Variants in DEPDC1B observed in about 807,000 individuals in gnomAD.
The protein encoded by DEPDC1B is DEP domain-containing protein 1B.
Under a neutral mutation model 66.5 loss-of-function variants are expected in DEPDC1B, and 51 were observed. That is an observed-to-expected ratio of 0.77 (90% confidence interval 0.61 to 0.97). DEPDC1B has a LOEUF of 0.97. DEPDC1B is among the 50% of genes least tolerant of loss of function. The pLI is 0.00. For synonymous variants in DEPDC1B, 226 were observed against 223.6 expected (o/e 1.01, Z -0.10); for missense variants, 552 against 637.1 (o/e 0.87, Z 1.44).
chr5:60,668,519 G>A (rs1753956194), intron 2 of DEPDC1B, among the ~76,000 whole-genome samples: 2 of 151,516 alleles, frequency 1.3e-5, no homozygotes, highest in African/African-American at 4.9e-5. Flanking sequence ...CAGGTGATCC[G>A]CCTGCCTCGG....
intron 1 of DEPDC1B, among the ~76,000 whole-genome samples, chr5:60,689,994 G>A (rs933712042): frequency 3.9e-5 from 6 of 152,188 alleles, no homozygotes; most frequent in Non-Finnish European, 8.8e-5. Flanking sequence ...GGTCAAGACT[G>A]CAGTAAGCCA....
At chr5:60,603,915 C>A (rs1474116622) in intron 8 of DEPDC1B, among the ~76,000 whole-genome samples, 1 of 151,214 alleles carries the variant, frequency 6.6e-6, no homozygotes, top group Non-Finnish European at 1.5e-5. Context: ...TGACTTGAAT[C>A]ATGTAGCACT....
rs184405525 is a variant in DEPDC1B, at chr5:60,598,946, T to C, written c.1428+129A>G. 3.6e-3 allele frequency: 2,577 copies of C among 712,506 alleles called. 16 individuals are homozygous for C. Among genetic ancestry groups the C allele is most frequent in the Non-Finnish European group, 5.0e-3 (2,294 of 460,652 alleles). 44.1% of individuals were successfully genotyped at this position (712,506 alleles called of 1,614,324 possible). On this transcript the variant is annotated intron_variant, in intron 10 of 10. Transcript: ENST00000265036. ...AAATCAGTGAGACTTCTAGAATGTA[T>C]GAACTAATATACTTAGAAAACTGCT...
chr5:60,630,538 G>C (rs1752901270), intron 7 of DEPDC1B: 1 of 152,224 alleles, frequency 6.6e-6, no homozygotes, highest in African/African-American at 2.4e-5. Flanking sequence ...GGAAAGAAAG[G>C]CATTTCTAAC....
rs184106662 is a variant in DEPDC1B, at chr5:60,678,413, A to G, written c.314+8549T>C. Among the ~76,000 whole-genome samples, 9 of 152,330 alleles carry G rather than the reference A, an allele frequency of 5.9e-5. No homozygotes were observed. In the East Asian group the frequency reaches 1.5e-3, roughly 26 times the overall value. Reference sequence around the variant, plus strand: ...GTGTAAACATTGTTTTTGTCTCTCTAGGATAAATACCCAGGAGTAGGAATG... The same window carrying G: ...GTGTAAACATTGTTTTTGTCTCTCTGGGATAAATACCCAGGAGTAGGAATG... On this transcript the variant is annotated intron_variant, in intron 2 of 10. Coordinates refer to ENST00000265036, the MANE Select transcript of DEPDC1B (RefSeq NM_018369.3).
At chr5:60,608,995 AGCTACTC>A (rs1291004423) in intron 7 of DEPDC1B, among the ~76,000 whole-genome samples, 42 of 152,302 alleles carry the variant, frequency 2.8e-4, no homozygotes, top group Admixed American at 1.6e-3. Flanking sequence ...TTGTGGTCCT[AGCTACTC>A]AGAAGACTGA....
chr5:60,632,562 C>T (rs2111827948), intron 7 of DEPDC1B, among the ~76,000 whole-genome samples: 1 of 152,368 alleles, frequency 6.6e-6, no homozygotes, highest in Admixed American at 6.5e-5. Flanking sequence ...TCTGCCCCCA[C>T]AAGACCAAAG....
chr5:60,612,059 T>G lies in DEPDC1B; in HGVS notation c.899-6203A>C, dbSNP rs118017587. 1.4e-3 allele frequency among the ~76,000 whole-genome samples: 212 copies of G among 152,274 alleles called. 3 individuals are homozygous for G. The highest frequency in any genetic ancestry group is 0.01 in the Admixed American group (159 of 15,288). On this transcript the variant is annotated intron_variant, in intron 7 of 10. Transcript: ENST00000265036. ...GCCTGGCTCTCTTGTTAGGGGCTAATACAGCTGGTGACTTGAAGTTGAAAC... is the reference window on the plus strand; with the variant it reads ...GCCTGGCTCTCTTGTTAGGGGCTAAGACAGCTGGTGACTTGAAGTTGAAAC...
In DEPDC1B at chr5:60,603,485, G is replaced by A. The variant is rs1236623058; in HGVS notation, c.1148C>T (p.Thr383Met). The change falls in exon 9 of 11, where the codon ACG (threonine) becomes ATG (methionine). Residue 383 changes from threonine (T) to methionine (M), a missense_variant. Physicochemically the swap from Thr to Met is moderately conservative, Grantham distance 81. Coordinates refer to ENST00000265036, the MANE Select transcript of DEPDC1B (RefSeq NM_018369.3). The part of the protein sequence containing the change: ...LDELLAARLV[T>M]FLMDNYQEIL... ...TTCCTGGTAATTGTCCATCAGAAAC[G>A]TTACCAATCTAGCAGCTAATAACTC... 10 of 1,612,782 alleles carry A rather than the reference G, an allele frequency of 6.2e-6. No homozygotes were observed. Among genetic ancestry groups the A allele is most frequent in the South Asian group, 2.2e-5 (2 of 90,890 alleles).
chr5:60,619,402 C>A (rs1361351390), intron 7 of DEPDC1B, among the ~76,000 whole-genome samples: 3 of 152,118 alleles, frequency 2.0e-5, no homozygotes, highest in Non-Finnish European at 4.4e-5. Flanking sequence ...ATCGTCTCAG[C>A]CCAAAATCTC....
rs552945452 is a variant in DEPDC1B at position 60,654,968 on chromosome 5, A to ATGAAACCCAAT, written c.315-7446_315-7436dup. ...GTTAAACCATCCCTGCATCCCTGATATGAAACCCAATTGACCATGGTGGAT... is the reference window on the plus strand; with the variant it reads ...GTTAAACCATCCCTGCATCCCTGATATGAAACCCAATTGAAACCCAATTGACCATGGTGGAT... On this transcript the variant is annotated intron_variant, in intron 2 of 10. Coordinates refer to ENST00000265036, the MANE Select transcript of DEPDC1B (RefSeq NM_018369.3). Among the ~76,000 whole-genome samples the ATGAAACCCAAT allele has an allele frequency of 1.4e-4, 21 of 149,322 alleles. 3 individuals are homozygous for ATGAAACCCAAT. In the South Asian group the frequency reaches 4.4e-3, roughly 32 times the overall value.
chr5:60,613,620 C>A (rs994481025), intron 7 of DEPDC1B, among the ~76,000 whole-genome samples: 3 of 152,016 alleles, frequency 2.0e-5, no homozygotes, highest in Non-Finnish European at 2.9e-5. Flanking sequence ...TAATGATCTG[C>A]CTCAGGAATA....
chr5:60,673,417 G>A (rs904495027), intron 2 of DEPDC1B, among the ~76,000 whole-genome samples: 1 of 152,138 alleles, frequency 6.6e-6, no homozygotes, highest in Non-Finnish European at 1.5e-5. Flanking sequence ...GGAGCGGGGG[G>A]CACTGGAAGA....
chr5:60,629,315 C>T (rs147914548), intron 7 of DEPDC1B, among the ~76,000 whole-genome samples: 42 of 152,254 alleles, frequency 2.8e-4, no homozygotes, highest in African/African-American at 9.9e-4. Context: ...TAGGATTTCA[C>T]GTATCTCTTC....
At chr5:60,611,414 A>T (rs1403476730) in intron 7 of DEPDC1B, among the ~76,000 whole-genome samples, 1 of 152,216 alleles carries the variant, frequency 6.6e-6, no homozygotes, top group South Asian at 2.1e-4. Context: ...TAAGTGTTCA[A>T]GTGAAAGAAG....
At position 60,695,698 on chromosome 5, in the gene DEPDC1B, G is replaced by T. The variant is rs151199887; in HGVS notation, c.48+4348C>A. Among the ~76,000 whole-genome samples the T allele has an allele frequency of 3.8e-3, 575 of 152,300 alleles. 3 individuals are homozygous for T. Among genetic ancestry groups the T allele is most frequent in the African/African-American group, 0.013 (536 of 41,560 alleles). On this transcript the variant is annotated intron_variant, in intron 1 of 10. Coordinates refer to ENST00000265036, the MANE Select transcript of DEPDC1B (RefSeq NM_018369.3). ...CCACTGAGCGACTATCTGTTCCTGT[G>T]TAATACCATACAGTTGTCATTACAG... is the stretch of plus-strand genomic sequence containing the variant.
In DEPDC1B at chr5:60,652,769, C is replaced by T. The variant is rs1753486279; in HGVS notation, c.315-5236G>A. 1.3e-5 allele frequency among the ~76,000 whole-genome samples: 2 copies of T among 148,846 alleles called. 1 individual carries two copies. Among genetic ancestry groups the T allele is most frequent in the South Asian group, 4.5e-4 (2 of 4,426 alleles). On this transcript the variant is annotated intron_variant, in intron 2 of 10. Transcript: ENST00000265036. ...TCCCTCATCACCCTCCCACCCATTC[C>T]CCAAGTCCCTAAAGTCTATCATATC...
chr5:60,650,078 C>T (rs962787673), intron 2 of DEPDC1B, among the ~76,000 whole-genome samples: 16 of 151,834 alleles, frequency 1.1e-4, no homozygotes, highest in East Asian at 1.9e-4. Context: ...AAACCAGGCA[C>T]GGTGGCTTAC....
chr5:60,660,971 T>TA lies in DEPDC1B; in HGVS notation c.315-13439dup, dbSNP rs566819002. On this transcript the variant is annotated intron_variant, in intron 2 of 10. Transcript: ENST00000265036. ...AAGCAGAGTTAGGAAAATTGCCTAA[T>TA]AACTGGTCTGCTGAAACGTGCAAGC... Among the ~76,000 whole-genome samples the TA allele has an allele frequency of 1.4e-4, 21 of 152,318 alleles. 1 individual carries two copies. The South Asian group carries it at 4.4e-3, about 32-fold the overall frequency.
Sources: gnomAD v4.1 joint callset for allele counts (sites outside exome capture counted in the v4.1 genomes callset) on GRCh38, gnomAD v4.1.1 for gene constraint, MANE v1.5 for transcripts, NCBI Gene and HGNC (gene_info 2026-07-23, HGNC 2026-07-21) for gene names.